VSTM2B: variants seen among roughly 807,000 people sequenced by gnomAD.
VSTM2B encodes V-set and transmembrane domain containing 2B, also known as V-set and transmembrane domain-containing protein 2B.
A neutral mutation model predicts 24.0 loss-of-function variants in VSTM2B; 24 were observed. That is an observed-to-expected ratio of 1.00 (90% CI 0.72 to 1.40). The LOEUF (loss-of-function observed/expected upper bound fraction) is 1.40. VSTM2B is among the 40% of genes most tolerant of loss of function. VSTM2B has a pLI of 0.00. For missense variants in VSTM2B, 399 were observed against 416.4 expected (o/e 0.96, Z 0.36); for synonymous variants, 226 against 194.4 (o/e 1.16, Z -1.35).
intron 4 of VSTM2B, among the ~76,000 whole-genome samples, chr19:29,556,719 CT>C (rs1446248562): frequency 6.6e-6 from 1 of 152,106 alleles, no homozygotes; most frequent in Admixed American, 6.5e-5. Context: ...ACGAGTATTC[CT>C]GTGATAGACA....
At chr19:29,527,530 G>A in intron 2 of VSTM2B, 135 bp downstream of exon 2, 2 of 702,360 alleles carry the variant, frequency 2.8e-6, no homozygotes, top group Non-Finnish European at 4.3e-6. Context: ...TTCCACCTTC[G>A]CATCCCAAAG....
chr19:29,539,346 G>A (rs1036916380), intron 4 of VSTM2B, among the ~76,000 whole-genome samples: 2 of 152,158 alleles, frequency 1.3e-5, no homozygotes, highest in Non-Finnish European at 2.9e-5. Context: ...CCTTTCGGGT[G>A]GCAAGGAGAA....
Position 29,562,703 on chromosome 19 carries a change from A to G in VSTM2B, c.770-1143A>G, listed in dbSNP as rs111595758. 3.8e-4 allele frequency among the ~76,000 whole-genome samples: 58 copies of G among 152,294 alleles called. 1 individual carries two copies. Among genetic ancestry groups the G allele is most frequent in the African/African-American group, 1.4e-3 (57 of 41,560 alleles). ...ACACTTGCTCCTCTCATAACCCTGGAGGGAGCATCCCACTTTCCAGGTGAG... is the reference window on the plus strand; with the variant it reads ...ACACTTGCTCCTCTCATAACCCTGGGGGGAGCATCCCACTTTCCAGGTGAG... On this transcript the variant is annotated intron_variant, in intron 4 of 4. Coordinates refer to ENST00000335523, the MANE Select transcript of VSTM2B (RefSeq NM_001146339.2).
chr19:29,526,516 A>T lies in VSTM2B; in HGVS notation c.-68A>T, dbSNP rs1969570521. The T allele has an allele frequency of 1.2e-5, 16 of 1,323,532 alleles. No individual in the cohort carries two copies. The South Asian group carries it at 2.0e-4, about 16-fold the overall frequency. The allele number at this position is 1,323,532 out of a possible 1,614,324, so 82.0% of individuals were successfully genotyped here. On this transcript the variant is annotated 5_prime_UTR_variant, in exon 1 of 5. Transcript: ENST00000335523. The surrounding 1 kb of genome is among the most constrained non-coding windows in gnomAD (Gnocchi z 4.1). ...GGCGTCCTAGCCCGAGCCGGAGCCGATCCGAGCCCACGCGGCCGCCGCCTC... is the reference window on the plus strand; with the variant it reads ...GGCGTCCTAGCCCGAGCCGGAGCCGTTCCGAGCCCACGCGGCCGCCGCCTC...
chr19:29,533,143 T>A (rs1474747492), intron 4 of VSTM2B, among the ~76,000 whole-genome samples: 1 of 152,186 alleles, frequency 6.6e-6, no homozygotes, highest in Admixed American at 6.5e-5. Flanking sequence ...CCAGAAGATA[T>A]GGAGGTCCTC....
chr19:29,529,776 T>A (rs1969684466), intron 3 of VSTM2B, 43 bp from the exon 4 acceptor site: 2 of 1,537,270 alleles, frequency 1.3e-6, no homozygotes, highest in Admixed American at 2.0e-5. Context: ...AAGAGTAGGT[T>A]TGGGAGCTGC....
intron 4 of VSTM2B, among the ~76,000 whole-genome samples, chr19:29,535,138 G>C (rs1243606112): frequency 6.6e-6 from 1 of 152,234 alleles, no homozygotes; most frequent in Non-Finnish European, 1.5e-5. Context: ...GGCGCAGGAG[G>C]CTGGGCCCCG....
At chr19:29,541,329 G>A (rs111282033) in intron 4 of VSTM2B, among the ~76,000 whole-genome samples, 95 of 152,314 alleles carry the variant, frequency 6.2e-4, no homozygotes, top group African/African-American at 2.1e-3. Context: ...CCAGTCAAGA[G>A]ATGATGGGGC....
chr19:29,527,041 C>A, intron 1 of VSTM2B, 170 bp from the exon 2 acceptor site: 1 of 612,722 alleles, frequency 1.6e-6, no homozygotes, highest in Non-Finnish European at 2.8e-6. Flanking sequence ...CTGCCTCGGC[C>A]CTGCAGCCGC....
rs1555748905 is a variant in VSTM2B, at chr19:29,534,726, A to AG, written c.769+4436_769+4437insG. Among the ~76,000 whole-genome samples, 202 of 148,704 alleles carry AG rather than the reference A, an allele frequency of 1.4e-3. 1 individual carries two copies. The highest frequency in any genetic ancestry group is 3.4e-3 in the Middle Eastern group (1 of 290). On this transcript the variant is annotated intron_variant, in intron 4 of 4. Coordinates refer to ENST00000335523, the MANE Select transcript of VSTM2B (RefSeq NM_001146339.2). ...ACTGAAACTCTGTCTCAAAAAAAAAAAAAGAAAGAAAGAAAGAAAAGAAAA... is the reference window on the plus strand; with the variant it reads ...ACTGAAACTCTGTCTCAAAAAAAAAAGAAAGAAAGAAAGAAAGAAAAGAAAA...
intron 4 of VSTM2B, among the ~76,000 whole-genome samples, chr19:29,533,135 A>T (rs977582348): frequency 2.0e-5 from 3 of 152,210 alleles, no homozygotes; most frequent in Non-Finnish European, 2.9e-5. Flanking sequence ...CCTTCTTCCC[A>T]GAAGATATGG....
intron 4 of VSTM2B, among the ~76,000 whole-genome samples, chr19:29,551,226 C>G (rs1473179177): frequency 6.6e-6 from 1 of 152,214 alleles, no homozygotes; most frequent in African/African-American, 2.4e-5. Flanking sequence ...TGGGTATTCC[C>G]AACCCTTCTC....
intron 4 of VSTM2B, among the ~76,000 whole-genome samples, chr19:29,540,831 G>A (rs1970003797): frequency 6.6e-6 from 1 of 152,186 alleles, no homozygotes; most frequent in African/African-American, 2.4e-5. Flanking sequence ...AGCCATGGCT[G>A]GTACTCTAAA....
chr19:29,527,447 G>C (rs1969610573), intron 2 of VSTM2B, 52 bp downstream of exon 2: 1 of 1,403,762 alleles, frequency 7.1e-7, no homozygotes, highest in Non-Finnish European at 9.2e-7. Context: ...CGCCCGGGGC[G>C]GCGAAGGCTA....
chr19:29,551,789 G>A lies in VSTM2B; in HGVS notation c.770-12057G>A, dbSNP rs115582480. 2.3e-3 allele frequency among the ~76,000 whole-genome samples: 356 copies of A among 152,268 alleles called. 1 individual carries two copies. Among genetic ancestry groups the A allele is most frequent in the African/African-American group, 8.1e-3 (336 of 41,540 alleles). On this transcript the variant is annotated intron_variant, in intron 4 of 4. Coordinates refer to ENST00000335523, the MANE Select transcript of VSTM2B (RefSeq NM_001146339.2). ...ATTCCTGGTACTCCTTAGGACAGGAGGGAATAGATAAAGAAACCATTAGCA... is the reference window on the plus strand; with the variant it reads ...ATTCCTGGTACTCCTTAGGACAGGAAGGAATAGATAAAGAAACCATTAGCA...
At chr19:29,527,860 G>A (rs150367172) in intron 2 of VSTM2B, among the ~76,000 whole-genome samples, 6 of 152,266 alleles carry the variant, frequency 3.9e-5, no homozygotes, top group East Asian at 1.9e-4. Context: ...GCACAGAGGG[G>A]CCACTTCTCT....
chr19:29,541,339 C>T (rs950510925), intron 4 of VSTM2B, among the ~76,000 whole-genome samples: 1 of 151,946 alleles, frequency 6.6e-6, no homozygotes, highest in African/African-American at 2.4e-5. Flanking sequence ...GATGATGGGG[C>T]TTGGAATCAT....
intron 4 of VSTM2B, among the ~76,000 whole-genome samples, chr19:29,553,755 A>G (rs768300755): frequency 6.6e-5 from 10 of 152,232 alleles, no homozygotes; most frequent in Non-Finnish European, 1.2e-4. Context: ...GAGAAACACA[A>G]CATAAGAACT....
At chr19:29,552,485 T>TGA (rs1970309508) in intron 4 of VSTM2B, among the ~76,000 whole-genome samples, 1 of 152,192 alleles carries the variant, frequency 6.6e-6, no homozygotes, top group Non-Finnish European at 1.5e-5. Context: ...GGGAAGCACC[T>TGA]ACCACCAGCC....
Sources: allele counts gnomAD v4.1 joint callset (sites outside exome capture counted in the v4.1 genomes callset), GRCh38; gene constraint gnomAD v4.1.1; non-coding constraint Gnocchi (gnomAD v3.1); transcripts MANE v1.5; gene names NCBI Gene and HGNC (gene_info 2026-07-23, HGNC 2026-07-21).